Variants in SCLT1 observed in about 807,000 individuals in gnomAD.
SCLT1 encodes sodium channel and clathrin linker 1, also known as sodium channel-associated protein 1.
A neutral mutation model predicts 112.8 loss-of-function variants in SCLT1; 78 were observed. The ratio of observed to expected loss-of-function variants is 0.69; its 90% CI spans 0.58 to 0.83. The LOEUF (loss-of-function observed/expected upper bound fraction) is 0.83, where lower values mean the gene tolerates loss of function less well. Among genes scored for constraint, SCLT1 ranks in the 40% least tolerant of loss-of-function variants. The pLI is 0.00. For synonymous variants in SCLT1, 257 were observed against 254.7 expected (o/e 1.01, Z -0.09); for missense variants, 747 against 770.4 (o/e 0.97, Z 0.36).
intron 16 of SCLT1, 53 bp from the exon 17 acceptor site, chr4:128,943,241 A>T (rs1737864304): frequency 8.0e-7 from 1 of 1,254,776 alleles, no homozygotes; most frequent in African/African-American, 1.5e-5. Flanking sequence ...TCTATAGTAG[A>T]AGATAAAAGT....
At chr4:129,048,119 C>A (rs1748366865) in intron 2 of SCLT1, among the ~76,000 whole-genome samples, 1 of 152,042 alleles carries the variant, frequency 6.6e-6, no homozygotes, top group Non-Finnish European at 1.5e-5. Context: ...TTGGGTGTTA[C>A]ATTTTTTAGT....
At chr4:128,914,330 C>CT (rs1403122350) in intron 18 of SCLT1, among the ~76,000 whole-genome samples, 2 of 151,718 alleles carry the variant, frequency 1.3e-5, no homozygotes, top group African/African-American at 2.4e-5. Flanking sequence ...AGCCACTACA[C>CT]TCCAGCCTGG....
At chr4:129,063,902 G>A (rs1423909222) in intron 2 of SCLT1, among the ~76,000 whole-genome samples, 1 of 152,204 alleles carries the variant, frequency 6.6e-6, no homozygotes, top group South Asian at 2.1e-4. Context: ...ACTTCCCTCT[G>A]TGGGAAGAAT....
In SCLT1 at chr4:129,043,114, G is replaced by A. The variant is rs182681621; in HGVS notation, c.234+281C>T. Among the ~76,000 whole-genome samples, 797 of 152,010 alleles carry A rather than the reference G, an allele frequency of 5.2e-3. 2 individuals carry two copies. The highest frequency in any genetic ancestry group is 7.1e-3 in the Non-Finnish European group (482 of 67,940). ...AAAAAAAGAGATGGGGTCTCACTAC[G>A]TTACCCAGGCTGGTCTCAAGCTTCT... is the stretch of plus-strand genomic sequence containing the variant. On this transcript the variant is annotated intron_variant, in intron 4 of 20. Transcript: ENST00000281142.
At chr4:128,900,509 C>T (rs1734189100) in intron 18 of SCLT1, among the ~76,000 whole-genome samples, 1 of 152,118 alleles carries the variant, frequency 6.6e-6, no homozygotes, top group Admixed American at 6.6e-5. Context: ...TTCCTTACAC[C>T]TTATACAAAA....
chr4:128,983,396 A>G (rs1214243188), intron 9 of SCLT1, among the ~76,000 whole-genome samples: 6 of 152,214 alleles, frequency 3.9e-5, no homozygotes, highest in Non-Finnish European at 8.8e-5. Flanking sequence ...CTCTGGAAAA[A>G]CAGTATAAAT....
chr4:128,972,755 A>G (rs1286684658), intron 9 of SCLT1, among the ~76,000 whole-genome samples: 2 of 152,208 alleles, frequency 1.3e-5, no homozygotes, highest in African/African-American at 4.8e-5. Context: ...CTATTCCAGT[A>G]GATTCCAAAC....
At chr4:129,049,328 T>C (rs984788714) in intron 2 of SCLT1, among the ~76,000 whole-genome samples, 1 of 151,878 alleles carries the variant, frequency 6.6e-6, no homozygotes, top group Non-Finnish European at 1.5e-5. Flanking sequence ...ACGTCCTTTG[T>C]AGGACATGGA....
intron 9 of SCLT1, chr4:128,970,727 C>A (rs1740621114): frequency 6.5e-6 from 2 of 306,234 alleles, no homozygotes; most frequent in South Asian, 1.2e-4. Flanking sequence ...ATATTATATA[C>A]CAAAGTGATT....
Position 129,000,090 on chromosome 4 carries a change from A to T in SCLT1, c.427-296T>A, listed in dbSNP as rs1163274020. On this transcript the variant is annotated intron_variant, in intron 6 of 20. Transcript: ENST00000281142. ...TAAACCATGTTCTTTGTTCCACAAG[A>T]AAGTATAAGCCCTAGAAACTGATGA... Among the ~76,000 whole-genome samples, 10 of 152,020 alleles carry T rather than the reference A, an allele frequency of 6.6e-5. No individual in the cohort carries two copies. The East Asian group carries it at 7.7e-4, about 12-fold the overall frequency.
chr4:129,071,037 T>A (rs1750959114), intron 2 of SCLT1, among the ~76,000 whole-genome samples: 1 of 152,198 alleles, frequency 6.6e-6, no homozygotes, highest in African/African-American at 2.4e-5. Flanking sequence ...TTTGACCCAA[T>A]GCTCAGTCAA....
At chr4:128,976,469 C>G (rs148303890) in intron 9 of SCLT1, among the ~76,000 whole-genome samples, 1 of 152,270 alleles carries the variant, frequency 6.6e-6, no homozygotes, top group East Asian at 1.9e-4. Flanking sequence ...TCTTATGCAA[C>G]AGACATGCTT....
rs1387754256 is a variant in SCLT1 at position 129,048,175 on chromosome 4, A to G, written c.103-4124T>C. ...TAAAAGGGCCCGCATCACCAAGTCAATCCTAAGCCAAAAGAACAAAGCTGG... is the reference window on the plus strand; with the variant it reads ...TAAAAGGGCCCGCATCACCAAGTCAGTCCTAAGCCAAAAGAACAAAGCTGG... On this transcript the variant is annotated intron_variant, in intron 2 of 20. Transcript: ENST00000281142. Among the ~76,000 whole-genome samples, 5 of 152,110 alleles carry G rather than the reference A, an allele frequency of 3.3e-5. No individual in the cohort carries two copies. In the East Asian group the frequency reaches 9.6e-4, roughly 29 times the overall value.
rs188588179 is a variant in SCLT1 at position 129,057,739 on chromosome 4, A to G, written c.103-13688T>C. 3.5e-4 allele frequency among the ~76,000 whole-genome samples: 52 copies of G among 150,406 alleles called. No homozygotes were observed. The East Asian group carries it at 8.2e-3, about 24-fold the overall frequency. On this transcript the variant is annotated intron_variant, in intron 2 of 20. Transcript: ENST00000281142. ...CACAATAGTCCTATTGATCCTTTGT[A>G]TTTGTATTTCTTTTTTTTTTCTTTT...
chr4:128,925,617 T>C (rs192032143), intron 18 of SCLT1, among the ~76,000 whole-genome samples: 2 of 152,116 alleles, frequency 1.3e-5, no homozygotes, highest in Non-Finnish European at 2.9e-5. Context: ...AGCCACGGTG[T>C]CTGGCCCATT....
chr4:129,080,687 G>A (rs1016102078), intron 2 of SCLT1, among the ~76,000 whole-genome samples: 2 of 152,192 alleles, frequency 1.3e-5, no homozygotes, highest in African/African-American at 4.8e-5. Context: ...TCTCCAAACT[G>A]TTCCAACCTC....
chr4:128,916,861 T>G (rs1402371351), intron 18 of SCLT1, among the ~76,000 whole-genome samples: 1 of 152,134 alleles, frequency 6.6e-6, no homozygotes, highest in Non-Finnish European at 1.5e-5. Context: ...CTTGACTTAG[T>G]TCTGAGACCC....
chr4:128,956,985 G>T, intron 13 of SCLT1, 41 bp downstream of exon 13: 2 of 1,101,544 alleles, frequency 1.8e-6, no homozygotes, highest in South Asian at 3.0e-5. Flanking sequence ...CTTTAGTTGT[G>T]ACTTAAATTC....
At chr4:129,078,239 T>TATAA (rs1249784835) in intron 2 of SCLT1, among the ~76,000 whole-genome samples, 5 of 152,228 alleles carry the variant, frequency 3.3e-5, no homozygotes, top group African/African-American at 9.6e-5. Flanking sequence ...CTTTAATTAG[T>TATAA]ATAATCACAA....
Sources: gnomAD v4.1 joint callset for allele counts (sites outside exome capture counted in the v4.1 genomes callset) on GRCh38, gnomAD v4.1.1 for gene constraint, MANE v1.5 for transcripts, NCBI Gene and HGNC (gene_info 2026-07-23, HGNC 2026-07-21) for gene names.